Variants in RDH10 observed in about 807,000 individuals in gnomAD.
The protein encoded by RDH10 is retinol dehydrogenase 10, also known as retinol dehydrogenase 10 (all-trans).
A neutral mutation model predicts 30.2 loss-of-function variants in RDH10; 12 were observed. The ratio of observed to expected loss-of-function variants is 0.40; its 90% CI spans 0.25 to 0.64. The LOEUF (loss-of-function observed/expected upper bound fraction) is 0.64. Among genes scored for constraint, RDH10 ranks in the 30% least tolerant of loss-of-function variants. RDH10 has a pLI of 0.43. For missense variants in RDH10, 268 were observed against 445.2 expected, an observed-to-expected ratio of 0.60 and a Z score of 3.58; for synonymous variants, 189 against 172.2, an observed-to-expected ratio of 1.10 and a Z score of -0.76.
intron 1 of RDH10, among the ~76,000 whole-genome samples, chr8:73,296,463 TTCATTGGTG>T (rs945625978): frequency 6.6e-6 from 1 of 152,202 alleles, no homozygotes; most frequent in Non-Finnish European, 1.5e-5. Flanking sequence ...ATGTACCATT[TTCATTGGTG>T]GTATGGAGGT....
chr8:73,307,989 G>A (rs547769724), intron 2 of RDH10, among the ~76,000 whole-genome samples: 4 of 152,136 alleles, frequency 2.6e-5, no homozygotes, highest in Non-Finnish European at 5.9e-5. Context: ...GGCCTTTTCT[G>A]TACTTTTCCA....
Position 73,295,116 on chromosome 8 carries a change from G to A in RDH10, c.-174G>A. 1 of 461,932 alleles carries A rather than the reference G, an allele frequency of 2.2e-6. No individual in the cohort carries two copies. The highest frequency in any genetic ancestry group is 4.6e-5 in the Admixed American group (1 of 21,548). 28.6% of individuals were successfully genotyped at this position (461,932 alleles called of 1,614,324 possible). A position where few individuals can be genotyped will look rare whatever the true frequency, so the allele number is the denominator to read the frequency against. ...CCCGGGCGGGAGTGGCCCCGCGCAG[G>A]CAGGGAGCGGCGCCGCGCACTCCAA... On this transcript the variant is annotated 5_prime_UTR_variant, in exon 1 of 6. Coordinates refer to ENST00000240285, the MANE Select transcript of RDH10 (RefSeq NM_172037.5).
At chr8:73,314,070 G>C (rs1444482756) in intron 2 of RDH10, among the ~76,000 whole-genome samples, 1 of 152,204 alleles carries the variant, frequency 6.6e-6, no homozygotes, top group Non-Finnish European at 1.5e-5. Flanking sequence ...ACGACTCTTT[G>C]AGACAAAGTT....
At chr8:73,321,188 C>T in intron 4 of RDH10, 111 bp downstream of exon 4, 1 of 1,040,006 alleles carries the variant, frequency 9.6e-7, no homozygotes, top group Non-Finnish European at 1.4e-6. Context: ...CAATCTGTGG[C>T]TTTTATTGGT....
At chr8:73,301,712 C>T (rs925253481) in intron 2 of RDH10, among the ~76,000 whole-genome samples, 7 of 152,146 alleles carry the variant, frequency 4.6e-5, no homozygotes, top group Admixed American at 2.0e-4. Context: ...GCAGACATGG[C>T]GCCACTGCAC....
At chr8:73,307,437 T>C (rs1400840865) in intron 2 of RDH10, among the ~76,000 whole-genome samples, 1 of 152,214 alleles carries the variant, frequency 6.6e-6, no homozygotes, top group Non-Finnish European at 1.5e-5. Flanking sequence ...ATAGCACTTA[T>C]AACAAAAATA....
At chr8:73,320,817 C>T (rs1814758717) in intron 3 of RDH10, 115 bp from the exon 4 acceptor site, 4 of 1,009,514 alleles carry the variant, frequency 4.0e-6, no homozygotes, top group Admixed American at 4.5e-5. Context: ...GTGTAGTCAC[C>T]TGTAACCTTA....
At chr8:73,307,946 T>C (rs1297019655) in intron 2 of RDH10, among the ~76,000 whole-genome samples, 1 of 152,190 alleles carries the variant, frequency 6.6e-6, no homozygotes, top group Non-Finnish European at 1.5e-5. Context: ...TATACTAGAA[T>C]TTTATTACGA....
chr8:73,323,065 A>G lies in RDH10; in HGVS notation c.*29A>G, dbSNP rs1245272825. On this transcript the variant is annotated 3_prime_UTR_variant, in exon 6 of 6. Coordinates refer to ENST00000240285, the MANE Select transcript of RDH10 (RefSeq NM_172037.5). ...TCTTTTTGTATGGAATATTACTTCTATCAGAAGATGATCAAGATGTTTCAG... is the reference window on the plus strand; with the variant it reads ...TCTTTTTGTATGGAATATTACTTCTGTCAGAAGATGATCAAGATGTTTCAG... 4.5e-6 allele frequency: 7 copies of G among 1,571,600 alleles called. No homozygotes were observed. The highest frequency in any genetic ancestry group is 1.7e-4 in the Middle Eastern group (1 of 5,974).
intron 2 of RDH10, among the ~76,000 whole-genome samples, chr8:73,313,827 C>G (rs1381440504): frequency 6.6e-6 from 1 of 152,216 alleles, no homozygotes; most frequent in South Asian, 2.1e-4. Flanking sequence ...CCTTGCCAAC[C>G]AGCATGGGCA....
rs1267950839 is a variant in RDH10 at position 73,323,306 on chromosome 8, C to T, written c.*270C>T. The stretch of plus-strand genomic sequence containing the variant: ...CTGTAGAGAAGCAGTGTGACATCTT[C>T]AGGTTACCATTATTTTTTAATGAGC... On this transcript the variant is annotated 3_prime_UTR_variant, in exon 6 of 6. Transcript: ENST00000240285. The T allele has an allele frequency of 3.4e-6, 1 of 297,302 alleles. No homozygotes were observed. The highest frequency in any genetic ancestry group is 6.5e-6 in the Non-Finnish European group (1 of 153,282). 18.4% of individuals were successfully genotyped at this position (297,302 alleles called of 1,614,324 possible).
chr8:73,303,163 A>T (rs1563547783), intron 2 of RDH10, among the ~76,000 whole-genome samples: 2 of 152,310 alleles, frequency 1.3e-5, no homozygotes, highest in East Asian at 3.9e-4. Context: ...CTATTTAGTT[A>T]AAATCTATCC....
Position 73,302,136 on chromosome 8 carries a change from G to A in RDH10, c.525+4707G>A, listed in dbSNP as rs548946099. Among the ~76,000 whole-genome samples the A allele has an allele frequency of 2.4e-4, 36 of 152,236 alleles. 2 individuals carry two copies. Among genetic ancestry groups the A allele is most frequent in the South Asian group, 6.2e-4 (3 of 4,818 alleles). On this transcript the variant is annotated intron_variant, in intron 2 of 5. Coordinates refer to ENST00000240285, the MANE Select transcript of RDH10 (RefSeq NM_172037.5). Reference sequence around the variant, plus strand: ...CCTTTCCTCAGCCTGGCATAATTCTGTACAGCCTTCCAGTCTGCTGTGACG... The same window carrying A: ...CCTTTCCTCAGCCTGGCATAATTCTATACAGCCTTCCAGTCTGCTGTGACG...
In RDH10 at chr8:73,299,153, A is replaced by G. The variant is rs758965161; in HGVS notation, c.525+1724A>G. 7.9e-5 allele frequency among the ~76,000 whole-genome samples: 12 copies of G among 152,314 alleles called. 1 individual carries two copies. The South Asian group carries it at 2.5e-3, about 32-fold the overall frequency. On this transcript the variant is annotated intron_variant, in intron 2 of 5. Coordinates refer to ENST00000240285, the MANE Select transcript of RDH10 (RefSeq NM_172037.5). Reference sequence around the variant, plus strand: ...TTAATTCATTTACAAACCTCTAGAAATGAATATATAAATGACCTGAGCTTA... The same window carrying G: ...TTAATTCATTTACAAACCTCTAGAAGTGAATATATAAATGACCTGAGCTTA...
intron 2 of RDH10, among the ~76,000 whole-genome samples, chr8:73,313,582 G>A (rs1009232174): frequency 2.0e-5 from 3 of 152,018 alleles, no homozygotes; most frequent in African/African-American, 7.3e-5. Context: ...AATAGCCAAA[G>A]TCAGTTATTA....
At chr8:73,308,198 TAA>T (rs1814495494) in intron 2 of RDH10, among the ~76,000 whole-genome samples, 1 of 152,184 alleles carries the variant, frequency 6.6e-6, no homozygotes, top group Non-Finnish European at 1.5e-5. Context: ...AAATATCAGT[TAA>T]GTGTGGTTTT....
In RDH10 at chr8:73,322,940, C is replaced by T. The variant is rs960764653; in HGVS notation, c.930C>T (p.Cys310=). 6 of 1,614,098 alleles carry T rather than the reference C, an allele frequency of 3.7e-6. No individual in the cohort carries two copies. The highest frequency in any genetic ancestry group is 5.1e-6 in the Non-Finnish European group (6 of 1,179,968). The change falls in exon 6 of 6, where the codon TGC becomes TGT. Residue 310 remains cysteine, a synonymous_variant. Coordinates refer to ENST00000240285, the MANE Select transcript of RDH10 (RefSeq NM_172037.5). The part of the protein sequence containing the change: ...KSILPFEAVV[C]MYRFLGADKC... ...TCCTACCATTTGAAGCAGTTGTGTG[C>T]ATGTATCGGTTCCTAGGAGCGGACA...
chr8:73,299,181 T>C (rs1814334127), intron 2 of RDH10, among the ~76,000 whole-genome samples: 1 of 152,088 alleles, frequency 6.6e-6, no homozygotes, highest in Non-Finnish European at 1.5e-5. Context: ...TGAGCTTATA[T>C]ATGTTTTAAA....
At chr8:73,320,840 CTAAA>C in intron 3 of RDH10, 88 bp from the exon 4 acceptor site, 1 of 1,261,670 alleles carries the variant, frequency 7.9e-7, no homozygotes. Flanking sequence ...TATTAGACAT[CTAAA>C]CATGGTAATA....
Sources: allele counts gnomAD v4.1 joint callset (sites outside exome capture counted in the v4.1 genomes callset), GRCh38; gene constraint gnomAD v4.1.1; transcripts MANE v1.5; gene names NCBI Gene and HGNC (gene_info 2026-07-23, HGNC 2026-07-21).